The following TNRC6B variants were observed in gnomAD, a reference collection of about 807,000 sequenced individuals.
TNRC6B encodes trinucleotide repeat-containing gene 6B protein.
In TNRC6B, 52 loss-of-function variants were observed where a neutral mutation model predicts 203.6. The ratio of observed to expected loss-of-function variants is 0.26; its 90% CI spans 0.20 to 0.32. The LOEUF (loss-of-function observed/expected upper bound fraction) is 0.32. Among genes scored for constraint, TNRC6B ranks in the 10% least tolerant of loss-of-function variants. The pLI is 1.00. For synonymous variants in TNRC6B, 838 were observed against 845.7 expected (o/e 0.99, Z 0.16); for missense variants, 1,923 against 2,286.2 (o/e 0.84, Z 3.24).
chr22:40,167,265 C>T (rs2068927746), intron 4 of TNRC6B, among the ~76,000 whole-genome samples: 1 of 152,004 alleles, frequency 6.6e-6, no homozygotes, highest in African/African-American at 2.4e-5. Flanking sequence ...CCAGAATGGC[C>T]GAAGTCACTC....
intron 1 of TNRC6B, among the ~76,000 whole-genome samples, chr22:40,080,330 A>G (rs1222804581): frequency 6.6e-6 from 1 of 151,762 alleles, no homozygotes; most frequent in Non-Finnish European, 1.5e-5. Context: ...AAAATGCCAC[A>G]TTTATTATAC....
Position 40,280,159 on chromosome 22 carries a change from T to C in TNRC6B, c.3411+16T>C. Reference sequence around the variant, plus strand: ...TTTTGAGAAGGTGAGTTGAATCCTTTGTTTAAGATAATAATTCATGAGAAC... The same window carrying C: ...TTTTGAGAAGGTGAGTTGAATCCTTCGTTTAAGATAATAATTCATGAGAAC... On this transcript the variant is annotated intron_variant, in intron 10 of 22. Coordinates refer to ENST00000454349, the MANE Select transcript of TNRC6B (RefSeq NM_001162501.2). The C allele has an allele frequency of 1.2e-6, 2 of 1,605,872 alleles. No individual in the cohort carries two copies. The highest frequency in any genetic ancestry group is 4.5e-5 in the East Asian group (2 of 44,770).
intron 1 of TNRC6B, among the ~76,000 whole-genome samples, chr22:40,072,888 A>G (rs996038857): frequency 4.9e-5 from 7 of 142,514 alleles, no homozygotes; most frequent in Admixed American, 6.8e-5. Context: ...AAAAAAAAAA[A>G]GCTGGCTTCA....
At chr22:40,188,857 A>G (rs1367088715) in intron 1 of TNRC6B, among the ~76,000 whole-genome samples, 7 of 152,222 alleles carry the variant, frequency 4.6e-5, no homozygotes, top group Admixed American at 4.6e-4. Context: ...GTAGTCAGAT[A>G]CAGTCTTTTA....
chr22:40,285,848 G>A (rs1025459608), intron 12 of TNRC6B, 78 bp downstream of exon 12: 4 of 1,526,580 alleles, frequency 2.6e-6, no homozygotes, highest in East Asian at 2.3e-5. Flanking sequence ...GATTTTTGTG[G>A]GCATAAAAAG....
Position 40,169,180 on chromosome 22 carries a change from G to A in TNRC6B, c.113+12998G>A, listed in dbSNP as rs150015560. ...CGGAGTCTTGCTCTGTTGCCAGGCT[G>A]GAGTGCAGTGGCATGATCTCGGGTT... On this transcript the variant is annotated intron_variant, in intron 4 of 23. Coordinates refer to the TNRC6B transcript ENST00000301923. Among the ~76,000 whole-genome samples, 371 of 145,224 alleles carry A rather than the reference G, an allele frequency of 2.6e-3. 2 individuals are homozygous for A. The highest frequency in any genetic ancestry group is 8.4e-3 in the African/African-American group (323 of 38,512).
At chr22:40,305,124 A>G (rs1330194972) in intron 15 of TNRC6B, among the ~76,000 whole-genome samples, 1 of 152,232 alleles carries the variant, frequency 6.6e-6, no homozygotes, top group African/African-American at 2.4e-5. Flanking sequence ...ACCATGAATT[A>G]GGGTGTGTGG....
intron 21 of TNRC6B, among the ~76,000 whole-genome samples, chr22:40,316,906 C>T (rs540435242): frequency 1.4e-4 from 21 of 152,090 alleles, no homozygotes; most frequent in African/African-American, 4.3e-4. Context: ...GCAGATCTTA[C>T]GGGGCAGAGA....
intron 1 of TNRC6B, among the ~76,000 whole-genome samples, chr22:40,200,861 C>T (rs755154782): frequency 6.6e-6 from 1 of 152,142 alleles, no homozygotes; most frequent in African/African-American, 2.4e-5. Context: ...TCTTTAAGTT[C>T]CCTCTCATGA....
At chr22:40,126,110 T>C (rs994171248) in intron 3 of TNRC6B, among the ~76,000 whole-genome samples, 1 of 152,226 alleles carries the variant, frequency 6.6e-6, no homozygotes, top group South Asian at 2.1e-4. Flanking sequence ...ACTATGTCTT[T>C]TAAAGTTTGT....
intron 1 of TNRC6B, among the ~76,000 whole-genome samples, chr22:40,056,910 G>A (rs2067801705): frequency 6.6e-6 from 1 of 152,118 alleles, no homozygotes; most frequent in South Asian, 2.1e-4. Context: ...TAGCAGATTT[G>A]ATGGGGCAAG....
intron 1 of TNRC6B, among the ~76,000 whole-genome samples, chr22:40,212,351 G>A (rs1453561711): frequency 2.6e-5 from 4 of 152,240 alleles, no homozygotes; most frequent in African/African-American, 9.6e-5. Flanking sequence ...ATGCAACGTG[G>A]CCCTCACTGG....
Position 40,332,196 on chromosome 22 carries a change from C to G in TNRC6B, c.*8955C>G, listed in dbSNP as rs1477906898. 1 of 152,462 alleles carries G rather than the reference C, an allele frequency of 6.6e-6. No homozygotes were observed. The highest frequency in any genetic ancestry group is 6.5e-5 in the Admixed American group (1 of 15,270). The allele number at this position is 152,462 out of a possible 1,614,324, so 9.4% of individuals were successfully genotyped here. Reference sequence around the variant, plus strand: ...TCTCCTTTTTAATATTTCTTTCTTCCTTTTTAATCATGTTTAAGTGAACTT... The same window carrying G: ...TCTCCTTTTTAATATTTCTTTCTTCGTTTTTAATCATGTTTAAGTGAACTT... On this transcript the variant is annotated 3_prime_UTR_variant, in exon 23 of 23. Transcript: ENST00000454349.
At chr22:40,212,847 A>T (rs2069583677) in intron 1 of TNRC6B, among the ~76,000 whole-genome samples, 2 of 151,924 alleles carry the variant, frequency 1.3e-5, no homozygotes, top group South Asian at 4.2e-4. Flanking sequence ...ACGGAGTTTC[A>T]CCATGTTGGC....
chr22:40,135,089 G>T (rs1568993876), intron 3 of TNRC6B, among the ~76,000 whole-genome samples: 2 of 152,200 alleles, frequency 1.3e-5, no homozygotes, highest in Admixed American at 6.6e-5. Context: ...TTGACCCAAG[G>T]TTCTCCTCCA....
At chr22:40,111,253 A>G (rs1367152985) in intron 1 of TNRC6B, among the ~76,000 whole-genome samples, 1 of 152,242 alleles carries the variant, frequency 6.6e-6, no homozygotes, top group Admixed American at 6.5e-5. Flanking sequence ...AATGGAAAAC[A>G]ATTGGGCTTT....
In TNRC6B at chr22:40,188,620, G is replaced by A. The variant is rs575701658; in HGVS notation, c.5+10480G>A. 2.2e-4 allele frequency among the ~76,000 whole-genome samples: 33 copies of A among 152,122 alleles called. 1 individual carries two copies. The highest frequency in any genetic ancestry group is 2.9e-4 in the Non-Finnish European group (20 of 68,024). On this transcript the variant is annotated intron_variant, in intron 1 of 22. Coordinates refer to ENST00000454349, the MANE Select transcript of TNRC6B (RefSeq NM_001162501.2). ...TGATCAGTTGCTGCCTCTTCTTGCC[G>A]TTGTTTCCTTTACCCCTCTGCTTAC...
chr22:40,199,513 A>C (rs1332119981), intron 1 of TNRC6B, among the ~76,000 whole-genome samples: 1 of 152,140 alleles, frequency 6.6e-6, no homozygotes, highest in African/African-American at 2.4e-5. Context: ...TTGGAGTGAC[A>C]TTCTACAAAA....
chr22:40,135,584 T>C (rs1049532725), intron 3 of TNRC6B, among the ~76,000 whole-genome samples: 4 of 152,194 alleles, frequency 2.6e-5, no homozygotes, highest in East Asian at 1.9e-4. Context: ...TGCTGAAACC[T>C]TGAATTTAAT....
Sources: allele counts gnomAD v4.1 joint callset (sites outside exome capture counted in the v4.1 genomes callset), GRCh38; gene constraint gnomAD v4.1.1; transcripts MANE v1.5; gene names NCBI Gene and HGNC (gene_info 2026-07-23, HGNC 2026-07-21).